The following LRP1B variants were observed in gnomAD, a reference collection of about 807,000 sequenced individuals.
LRP1B encodes low-density lipoprotein receptor-related protein 1B.
A neutral mutation model predicts 556.6 loss-of-function variants in LRP1B; 217 were observed. That is an observed-to-expected ratio of 0.39 (90% confidence interval 0.35 to 0.44). The LOEUF (loss-of-function observed/expected upper bound fraction) is 0.44. Among genes scored for constraint, LRP1B ranks in the 20% least tolerant of loss-of-function variants. LRP1B has a pLI of 1.00. For synonymous variants in LRP1B, 2,047 were observed against 1,865.8 expected (o/e 1.10, Z -2.50); for missense variants, 5,053 against 5,620.8 (o/e 0.90, Z 3.23).
chr2:141,185,849 TG>T (rs1681225770), intron 7 of LRP1B, among the ~76,000 whole-genome samples: 1 of 151,260 alleles, frequency 6.6e-6, no homozygotes, highest in African/African-American at 2.4e-5. Flanking sequence ...GAGGCCGAGG[TG>T]GGAGGATCAC....
intron 37 of LRP1B, among the ~76,000 whole-genome samples, chr2:140,705,367 T>A (rs1686791987): frequency 6.6e-6 from 1 of 150,518 alleles, no homozygotes; most frequent in South Asian, 2.1e-4. Flanking sequence ...CTACTAAAAA[T>A]ACAAAAATTA....
intron 3 of LRP1B, among the ~76,000 whole-genome samples, chr2:141,412,754 G>A (rs772323485): frequency 2.0e-5 from 3 of 152,052 alleles, no homozygotes; most frequent in Non-Finnish European, 4.4e-5. Context: ...AGTAACCAAA[G>A]AGAAAAATTC....
intron 2 of LRP1B, among the ~76,000 whole-genome samples, chr2:141,531,604 C>T (rs768825322): frequency 6.6e-6 from 1 of 152,054 alleles, no homozygotes; most frequent in Non-Finnish European, 1.5e-5. Context: ...TGCTGCTTAA[C>T]CAAGAGCACA....
At chr2:140,801,749 G>A (rs1013322233) in intron 32 of LRP1B, among the ~76,000 whole-genome samples, 1 of 152,038 alleles carries the variant, frequency 6.6e-6, no homozygotes, top group South Asian at 2.1e-4. Flanking sequence ...TCTGAGTAAC[G>A]CTCATTTATT....
At chr2:140,801,619 A>G (rs530090281) in intron 32 of LRP1B, among the ~76,000 whole-genome samples, 1 of 151,536 alleles carries the variant, frequency 6.6e-6, no homozygotes, top group Admixed American at 6.6e-5. Flanking sequence ...TGAGACTAAT[A>G]ATGCTAATAA....
intron 3 of LRP1B, among the ~76,000 whole-genome samples, chr2:141,309,452 T>C (rs1464551358): frequency 6.6e-6 from 1 of 152,168 alleles, no homozygotes; most frequent in African/African-American, 2.4e-5. Flanking sequence ...TAATACCCAA[T>C]GTAATAGTGT....
chr2:140,553,459 G>A (rs10169432), intron 43 of LRP1B, among the ~76,000 whole-genome samples: 1 of 150,890 alleles, frequency 6.6e-6, no homozygotes, highest in Non-Finnish European at 1.5e-5. Flanking sequence ...ATGCAATAAA[G>A]TTCCTTAATA....
chr2:141,616,311 G>A (rs1574145134), intron 2 of LRP1B, among the ~76,000 whole-genome samples: 1 of 150,590 alleles, frequency 6.6e-6, no homozygotes, highest in African/African-American at 2.4e-5. Context: ...AGAAAAAAAA[G>A]CTATATAAAA....
chr2:141,993,286 C>T (rs1021090784), intron 1 of LRP1B, among the ~76,000 whole-genome samples: 1 of 152,076 alleles, frequency 6.6e-6, no homozygotes, highest in African/African-American at 2.4e-5. Context: ...CTCAAGACTC[C>T]TGGAAACAAT....
chr2:140,875,721 T>A (rs569186293), intron 25 of LRP1B, among the ~76,000 whole-genome samples: 1 of 150,902 alleles, frequency 6.6e-6, no homozygotes. Context: ...TAATTTGGCT[T>A]ATTTGTTATA....
At chr2:141,050,246 A>G (rs1319392274) in intron 10 of LRP1B, among the ~76,000 whole-genome samples, 1 of 151,954 alleles carries the variant, frequency 6.6e-6, no homozygotes, top group Non-Finnish European at 1.5e-5. Flanking sequence ...AACAATACAA[A>G]GTATATTAAC....
chr2:141,534,372 T>C (rs1361761425), intron 2 of LRP1B, among the ~76,000 whole-genome samples: 1 of 152,188 alleles, frequency 6.6e-6, no homozygotes, highest in Non-Finnish European at 1.5e-5. Context: ...ATCGTTCCCT[T>C]GCGTATCCAA....
intron 31 of LRP1B, among the ~76,000 whole-genome samples, chr2:140,830,164 G>A (rs1691665288): frequency 1.3e-5 from 2 of 151,916 alleles, no homozygotes; most frequent in African/African-American, 4.8e-5. Context: ...GACTTCACTA[G>A]CAAATTATAC....
At chr2:140,429,722 T>C (rs1350709789) in intron 66 of LRP1B, among the ~76,000 whole-genome samples, 1 of 152,206 alleles carries the variant, frequency 6.6e-6, no homozygotes, top group Non-Finnish European at 1.5e-5. Context: ...GACTGCACCC[T>C]GTAGCCTTTC....
intron 1 of LRP1B, among the ~76,000 whole-genome samples, chr2:142,085,457 T>G (rs1705881939): frequency 6.6e-6 from 1 of 152,212 alleles, no homozygotes; most frequent in Admixed American, 6.5e-5. Flanking sequence ...GCTGAGTACC[T>G]GAGTTAAATA....
At chr2:140,522,540 G>C (rs1383025817) in intron 49 of LRP1B, among the ~76,000 whole-genome samples, 1 of 151,534 alleles carries the variant, frequency 6.6e-6, no homozygotes, top group East Asian at 1.9e-4. Flanking sequence ...ACTAATCCCA[G>C]AGTCAACAGA....
At chr2:141,334,493 A>G (rs1238038354) in intron 3 of LRP1B, among the ~76,000 whole-genome samples, 1 of 152,212 alleles carries the variant, frequency 6.6e-6, no homozygotes, top group Non-Finnish European at 1.5e-5. Flanking sequence ...TTCTTTATAA[A>G]TTATCCACTT....
Position 141,319,299 on chromosome 2 carries a change from G to GTTTTTTT in LRP1B, c.344-64665_344-64659dup, listed in dbSNP as rs201761576. ...CATAATGTAGTCTCTAAAAAGCAGT[G>GTTTTTTT]TTTTTTTGTTGTTTTTTTTTTTTTT... On this transcript the variant is annotated intron_variant, in intron 3 of 90. Transcript: ENST00000389484. 5.0e-5 allele frequency among the ~76,000 whole-genome samples: 4 copies of GTTTTTTT among 80,460 alleles called. 1 individual carries two copies. The highest frequency in any genetic ancestry group is 1.0e-4 in the African/African-American group (2 of 19,632). 52.8% of individuals were successfully genotyped at this position (80,460 alleles called of 152,430 possible). A position where few individuals can be genotyped will look rare whatever the true frequency, so the allele number is the denominator to read the frequency against.
At chr2:141,205,341 T>C (rs1051147834) in intron 6 of LRP1B, among the ~76,000 whole-genome samples, 6 of 152,188 alleles carry the variant, frequency 3.9e-5, no homozygotes, top group Admixed American at 3.9e-4. Flanking sequence ...ATCAGAATAA[T>C]TACCTTGACT....
Sources: allele counts gnomAD v4.1 joint callset (sites outside exome capture counted in the v4.1 genomes callset), GRCh38; gene constraint gnomAD v4.1.1; transcripts MANE v1.5; gene names NCBI Gene and HGNC (gene_info 2026-07-23, HGNC 2026-07-21).